ANK2: variants seen among roughly 807,000 people sequenced by gnomAD.
ANK2 encodes ankyrin-2.
Under a neutral mutation model 360.5 loss-of-function variants are expected in ANK2, and 83 were observed. The observed-to-expected ratio is 0.23, with a 90% CI of 0.19 to 0.28. ANK2 has a LOEUF of 0.28. Among genes scored for constraint, ANK2 ranks in the 10% least tolerant of loss-of-function variants. The pLI, the probability that ANK2 is intolerant of heterozygous loss-of-function variation, is 1.00. For synonymous variants in ANK2, 1,740 were observed against 1,759.5 expected (o/e 0.99, Z 0.28); for missense variants, 4,201 against 4,795.7 (o/e 0.88, Z 3.66).
intron 2 of ANK2, among the ~76,000 whole-genome samples, chr4:113,010,560 A>T (rs1247434844): frequency 1.3e-5 from 2 of 152,126 alleles, no homozygotes; most frequent in Non-Finnish European, 2.9e-5. Context: ...AGTTGGGGAA[A>T]ACAGTCATTA....
chr4:112,925,056 T>G (rs773523735), intron 2 of ANK2, among the ~76,000 whole-genome samples: 10 of 152,198 alleles, frequency 6.6e-5, no homozygotes, highest in Non-Finnish European at 2.9e-5. Context: ...GCCAGGATGG[T>G]CTCTATCTCC....
At chr4:112,965,489 C>T (rs1436560065) in intron 2 of ANK2, among the ~76,000 whole-genome samples, 2 of 152,008 alleles carry the variant, frequency 1.3e-5, no homozygotes, top group African/African-American at 2.4e-5. Flanking sequence ...TTTAACTTGA[C>T]GTGATTCCAT....
the ANK2 span, among the ~76,000 whole-genome samples, chr4:112,772,221 G>C: frequency 6.6e-6 from 1 of 152,152 alleles, no homozygotes. Context: ...CACAATCATG[G>C]TGGAAGGCAA....
intron 1 of ANK2, among the ~76,000 whole-genome samples, chr4:113,173,243 A>G (rs1361949324): frequency 1.3e-5 from 2 of 152,222 alleles, no homozygotes; most frequent in African/African-American, 2.4e-5. Context: ...AAGTAATTCC[A>G]TATTTGAAAC....
At chr4:113,217,318 C>G (rs957911629) in intron 4 of ANK2, 2 of 152,180 alleles carry the variant, frequency 1.3e-5, no homozygotes, top group Admixed American at 1.3e-4. Context: ...GTTACCACCA[C>G]TAGAGGACTA....
chr4:113,249,685 C>G (rs1413210809), intron 9 of ANK2, 79 bp from the exon 10 acceptor site: 7 of 1,330,572 alleles, frequency 5.3e-6, no homozygotes, highest in Non-Finnish European at 7.5e-6. Context: ...TTTAGGAACT[C>G]CCTCTTTATG....
At position 112,865,919 on chromosome 4, in the gene ANK2, A is replaced by T. The variant is rs576682220; in HGVS notation, c.-39-38536A>T. 5.3e-5 allele frequency among the ~76,000 whole-genome samples: 8 copies of T among 152,210 alleles called. No individual in the cohort carries two copies. In the East Asian group the frequency reaches 1.5e-3, roughly 29 times the overall value. ...AATTAAGTCCTCTGTTTTTTTCTGTAGCAATGTGAGTTTCAATTTTTAAAC... is the reference window on the plus strand; with the variant it reads ...AATTAAGTCCTCTGTTTTTTTCTGTTGCAATGTGAGTTTCAATTTTTAAAC... On this transcript the variant is annotated intron_variant, in intron 1 of 30. Coordinates refer to the ANK2 transcript ENST00000503271.
intron 1 of ANK2, among the ~76,000 whole-genome samples, chr4:112,895,204 G>T (rs1277868557): frequency 6.6e-6 from 1 of 152,146 alleles, no homozygotes; most frequent in East Asian, 1.9e-4. Flanking sequence ...ACTTAGAGTT[G>T]TTGCTCTCAT....
At chr4:113,193,356 TG>T (rs1186530011) in intron 2 of ANK2, among the ~76,000 whole-genome samples, 1 of 152,172 alleles carries the variant, frequency 6.6e-6, no homozygotes, top group Non-Finnish European at 1.5e-5. Context: ...CTGACAAAGA[TG>T]GCGCATTGTG....
intron 1 of ANK2, among the ~76,000 whole-genome samples, chr4:113,156,607 T>C (rs992634688): frequency 1.3e-5 from 2 of 151,854 alleles, no homozygotes; most frequent in African/African-American, 4.8e-5. Flanking sequence ...AAATGATCTG[T>C]CTTCCTTGAC....
At chr4:113,216,285 A>G (rs2099084879) in intron 4 of ANK2, among the ~76,000 whole-genome samples, 2 of 152,248 alleles carry the variant, frequency 1.3e-5, no homozygotes, top group Non-Finnish European at 2.9e-5. Context: ...GAATACTCTC[A>G]GCAACCTCAG....
chr4:112,707,763 A>G, the ANK2 span, among the ~76,000 whole-genome samples: 1 of 152,238 alleles, frequency 6.6e-6, no homozygotes, highest in African/African-American at 2.4e-5. Context: ...TATTCTGTAA[A>G]GCACTTTTAT....
intron 2 of ANK2, among the ~76,000 whole-genome samples, chr4:113,187,424 T>A (rs1476407171): frequency 6.6e-6 from 1 of 152,190 alleles, no homozygotes; most frequent in Non-Finnish European, 1.5e-5. Flanking sequence ...AAACTAATGG[T>A]CACTTTGGCC....
intron 2 of ANK2, among the ~76,000 whole-genome samples, chr4:112,912,013 TA>T (rs2087678905): frequency 6.6e-6 from 1 of 151,646 alleles, no homozygotes; most frequent in Admixed American, 6.6e-5. Flanking sequence ...CCGTCTCTAC[TA>T]AAAATACAAA....
At chr4:113,079,952 G>A (rs2081689336) in intron 1 of ANK2, among the ~76,000 whole-genome samples, 1 of 148,746 alleles carries the variant, frequency 6.7e-6, no homozygotes, top group Admixed American at 6.7e-5. Flanking sequence ...AGGCTGGAGT[G>A]TGGTGGTGCG....
chr4:113,035,660 T>G (rs1437049301), intron 2 of ANK2, among the ~76,000 whole-genome samples: 1 of 151,862 alleles, frequency 6.6e-6, no homozygotes, highest in Non-Finnish European at 1.5e-5. Context: ...AAAATTTTTT[T>G]ATGAAGAATA....
chr4:113,132,678 C>G (rs2096126392), intron 1 of ANK2, among the ~76,000 whole-genome samples: 1 of 152,066 alleles, frequency 6.6e-6, no homozygotes, highest in Admixed American at 6.6e-5. Flanking sequence ...GTAGATCATA[C>G]TGGGTCCTAC....
At chr4:112,772,911 A>T in the ANK2 span, among the ~76,000 whole-genome samples, 2 of 152,180 alleles carry the variant, frequency 1.3e-5, no homozygotes, top group East Asian at 3.8e-4. Flanking sequence ...CTGAGGCTGT[A>T]CAAGAATTAT....
chr4:113,204,006 C>A (rs1307231562), intron 4 of ANK2, among the ~76,000 whole-genome samples: 1 of 151,874 alleles, frequency 6.6e-6, no homozygotes, highest in African/African-American at 2.4e-5. Context: ...GCAAAATGTT[C>A]AAAAAATGAA....
Sources: allele counts gnomAD v4.1 joint callset (sites outside exome capture counted in the v4.1 genomes callset), GRCh38; gene constraint gnomAD v4.1.1; transcripts MANE v1.5; gene names NCBI Gene and HGNC (gene_info 2026-07-23, HGNC 2026-07-21).